LPP: variants seen among roughly 807,000 people sequenced by gnomAD.
LPP encodes LIM domain containing preferred translocation partner in lipoma, also known as lipoma-preferred partner.
A neutral mutation model predicts 60.4 loss-of-function variants in LPP; 38 were observed. That is an observed-to-expected ratio of 0.63 (90% confidence interval 0.49 to 0.83). LPP has a LOEUF of 0.83. LPP is among the 40% of genes least tolerant of loss of function. The pLI, the probability that LPP is intolerant of heterozygous loss-of-function variation, is 0.00. For synonymous variants in LPP, 328 were observed against 290.8 expected (o/e 1.13, Z -1.30); for missense variants, 902 against 783.6 (o/e 1.15, Z -1.80).
intron 9 of LPP, among the ~76,000 whole-genome samples, chr3:188,861,498 A>G: frequency 6.6e-6 from 1 of 152,194 alleles, no homozygotes; most frequent in East Asian, 1.9e-4. Flanking sequence ...TGAAGACTGT[A>G]TATCTTGATT....
At chr3:188,280,485 G>A (rs1265214963) in intron 2 of LPP, among the ~76,000 whole-genome samples, 1 of 152,132 alleles carries the variant, frequency 6.6e-6, no homozygotes, top group Non-Finnish European at 1.5e-5. Context: ...TAATTTTGAG[G>A]AAACCCAGAA....
chr3:188,299,569 C>T (rs780828788), intron 2 of LPP, among the ~76,000 whole-genome samples: 1 of 152,036 alleles, frequency 6.6e-6, no homozygotes, highest in Admixed American at 6.6e-5. Flanking sequence ...TATGAATATG[C>T]GAAAATAGCA....
At chr3:188,841,460 C>T (rs887711083) in intron 9 of LPP, among the ~76,000 whole-genome samples, 3 of 147,960 alleles carry the variant, frequency 2.0e-5, no homozygotes, top group East Asian at 4.1e-4. Flanking sequence ...GGCACGATCT[C>T]GGCTCACTGC....
At chr3:188,287,488 G>A (rs1744340518) in intron 2 of LPP, among the ~76,000 whole-genome samples, 1 of 152,168 alleles carries the variant, frequency 6.6e-6, no homozygotes, top group African/African-American at 2.4e-5. Context: ...CTTCCCTCCT[G>A]TCAGGTGAAG....
intron 1 of LPP, among the ~76,000 whole-genome samples, chr3:188,192,741 A>G (rs1376505261): frequency 6.6e-6 from 1 of 152,138 alleles, no homozygotes; most frequent in Non-Finnish European, 1.5e-5. Flanking sequence ...TCTCCTGGGA[A>G]TTTGCAGTGA....
chr3:188,528,059 A>G (rs548538857), intron 6 of LPP, among the ~76,000 whole-genome samples: 4 of 152,246 alleles, frequency 2.6e-5, no homozygotes, highest in African/African-American at 4.8e-5. Flanking sequence ...TAGTTTTAGA[A>G]TAACAGATGA....
In LPP at chr3:188,252,544, A is replaced by G. The variant is rs546508539; in HGVS notation, c.-67+27017A>G. ...TTTTATGAGGTACTTTAGTTACCAA[A>G]TTTTTCTCTGATGGAATGTCCCACT... is the stretch of plus-strand genomic sequence containing the variant. On this transcript the variant is annotated intron_variant, in intron 2 of 11. Transcript: ENST00000617246. Among the ~76,000 whole-genome samples the G allele has an allele frequency of 5.3e-5, 8 of 152,054 alleles. No homozygotes were observed. The South Asian group carries it at 1.7e-3, about 32-fold the overall frequency.
At chr3:188,181,352 CAAA>C (rs11330297) in intron 1 of LPP, among the ~76,000 whole-genome samples, 12 of 111,560 alleles carry the variant, frequency 1.1e-4, no homozygotes, top group Non-Finnish European at 9.2e-5. Flanking sequence ...AATTCCGTCT[CAAA>C]AAAAAAAAAA....
chr3:188,843,258 G>C (rs1207006916), intron 9 of LPP, among the ~76,000 whole-genome samples: 1 of 152,144 alleles, frequency 6.6e-6, no homozygotes, highest in African/African-American at 2.4e-5. Context: ...ATTAGGAATG[G>C]ACCTTTGCTT....
At chr3:188,644,672 G>A (rs137907963) in intron 7 of LPP, among the ~76,000 whole-genome samples, 80 of 152,060 alleles carry the variant, frequency 5.3e-4, no homozygotes, top group African/African-American at 1.9e-3. Flanking sequence ...CAAAAGAGTG[G>A]GTTTTTATAA....
chr3:188,857,845 G>A (rs1368328186), intron 9 of LPP, among the ~76,000 whole-genome samples: 1 of 152,090 alleles, frequency 6.6e-6, no homozygotes, highest in Non-Finnish European at 1.5e-5. Context: ...TAGAAATACG[G>A]TGCTTCAGTG....
chr3:188,771,213 A>G (rs73196791), intron 9 of LPP, among the ~76,000 whole-genome samples: 1 of 152,242 alleles, frequency 6.6e-6, no homozygotes, highest in Non-Finnish European at 1.5e-5. Flanking sequence ...ATAATTCATA[A>G]AAGGAATGAA....
intron 8 of LPP, among the ~76,000 whole-genome samples, chr3:188,729,029 G>A (rs6786588): frequency 0.68 from 103,588 of 151,974 alleles, 35,308 homozygotes; most frequent in Middle Eastern, 0.77. Context: ...ATTATGAGAG[G>A]GAATGTTTGA....
chr3:188,334,576 G>A (rs113253929), intron 2 of LPP, among the ~76,000 whole-genome samples: 16,160 of 151,608 alleles, frequency 0.11, 1,394 homozygotes, highest in East Asian at 0.31. Flanking sequence ...GACTACAGAC[G>A]CGCGCTACCA....
At chr3:188,607,301 T>C (rs1393155721) in intron 6 of LPP, among the ~76,000 whole-genome samples, 5 of 146,322 alleles carry the variant, frequency 3.4e-5, no homozygotes, top group East Asian at 4.0e-4. Context: ...TTATTATGAA[T>C]TCCATTGTGT....
intron 9 of LPP, among the ~76,000 whole-genome samples, chr3:188,797,946 G>T (rs951083660): frequency 6.6e-6 from 1 of 152,104 alleles, no homozygotes; most frequent in African/African-American, 2.4e-5. Context: ...TATGAACTTG[G>T]ACAAGTTTCT....
At position 188,396,641 on chromosome 3, in the gene LPP, G is replaced by T. The variant is rs187064982; in HGVS notation, c.-9-9471G>T. ...TATCGTCACTTTTTCCTGGGTGAGG[G>T]GCAAAATCTTTATGAATTAGGCACT... On this transcript the variant is annotated intron_variant, in intron 3 of 11. Transcript: ENST00000617246. 7.8e-4 allele frequency among the ~76,000 whole-genome samples: 119 copies of T among 152,234 alleles called. No individual in the cohort carries two copies. The Middle Eastern group carries it at 0.021, about 26-fold the overall frequency.
intron 9 of LPP, among the ~76,000 whole-genome samples, chr3:188,787,296 GTTTAA>G (rs1452965462): frequency 6.6e-5 from 10 of 151,876 alleles, no homozygotes; most frequent in Admixed American, 2.6e-4. Context: ...AAAATTTAAA[GTTTAA>G]TTTATAGAAA....
At chr3:188,873,210 A>G (rs1278685911) in intron 11 of LPP, among the ~76,000 whole-genome samples, 1 of 152,218 alleles carries the variant, frequency 6.6e-6, no homozygotes, top group Non-Finnish European at 1.5e-5. Flanking sequence ...CTAGAGCTGC[A>G]GTATATCTGC....
Sources: gnomAD v4.1 joint callset for allele counts (sites outside exome capture counted in the v4.1 genomes callset) on GRCh38, gnomAD v4.1.1 for gene constraint, MANE v1.5 for transcripts, NCBI Gene and HGNC (gene_info 2026-07-23, HGNC 2026-07-21) for gene names.